The following MTAP variants were observed in gnomAD, a reference collection of about 807,000 sequenced individuals.
MTAP encodes the protein methylthioadenosine phosphorylase.
MTAP carries 33 observed loss-of-function variants against 33.6 expected under a neutral mutation model. The observed-to-expected ratio is 0.98, with a 90% CI of 0.74 to 1.31. The LOEUF is 1.31. Ranked by LOEUF, MTAP falls within the 40% of genes most tolerant of loss-of-function variation. The pLI is 0.00. For missense variants in MTAP, 367 were observed against 360.0 expected, an observed-to-expected ratio of 1.02 and a Z score of -0.16; for synonymous variants, 148 against 125.7, an observed-to-expected ratio of 1.18 and a Z score of -1.19.
At chr9:21,821,233 C>T (rs1485483736) in intron 4 of MTAP, among the ~76,000 whole-genome samples, 1 of 152,184 alleles carries the variant, frequency 6.6e-6, no homozygotes, top group African/African-American at 2.4e-5. Context: ...CCAGTTTTTG[C>T]CCATTCAGTA....
chr9:21,901,195 T>G lies in MTAP; in HGVS notation c.148-29813T>G, dbSNP rs374266112. Among the ~76,000 whole-genome samples the G allele has an allele frequency of 5.3e-5, 8 of 152,060 alleles. No homozygotes were observed. The East Asian group carries it at 5.8e-4, about 11-fold the overall frequency. On this transcript the variant is annotated intron_variant, in intron 1 of 1. Coordinates refer to the MTAP transcript ENST00000577563. ...GTAAAGAAAATACCAAAATACACAT[T>G]GACAAAAGAAAAAGAAGATACTAAA...
At chr9:21,932,592 T>A (rs2131050729), downstream of MTAP, 1 of 151,380 alleles carries the variant, frequency 6.6e-6, no homozygotes, top group East Asian at 1.9e-4. Context: ...TCAGCATGCA[T>A]AAGGACTATT....
intron 1 of MTAP, among the ~76,000 whole-genome samples, chr9:21,872,967 G>C (rs1377123365): frequency 6.6e-6 from 1 of 152,158 alleles, no homozygotes; most frequent in Admixed American, 6.6e-5. Flanking sequence ...GACACCAAAA[G>C]TCCACATTTT....
chr9:21,834,982 C>T (rs778423252), intron 4 of MTAP, among the ~76,000 whole-genome samples: 28 of 152,246 alleles, frequency 1.8e-4, no homozygotes, highest in African/African-American at 4.6e-4. Flanking sequence ...GTTGATACAA[C>T]GGAATACCAT....
chr9:21,820,986 A>G (rs1307078560), intron 4 of MTAP, among the ~76,000 whole-genome samples: 1 of 152,188 alleles, frequency 6.6e-6, no homozygotes, highest in East Asian at 1.9e-4. Context: ...GTGTCCTGAG[A>G]CTTTGCTGAA....
rs1215386160 is a variant in MTAP at position 21,859,426 on chromosome 9, G to T, written c.813+1G>T. ...GTCAGAAACCCTCCATAACCTGAAG[G>T]TAAGTGTCAGCCATGGACAATCAGG... is the stretch of plus-strand genomic sequence containing the variant. On this transcript the variant is annotated splice_donor_variant, in intron 7 of 7. Coordinates refer to ENST00000644715, the MANE Select transcript of MTAP (RefSeq NM_002451.4). LOFTEE classifies it high-confidence loss of function. 1 of 1,608,194 alleles carries T rather than the reference G, an allele frequency of 6.2e-7. No homozygotes were observed. The highest frequency in any genetic ancestry group is 2.2e-5 in the East Asian group (1 of 44,732).
intron 1 of MTAP, chr9:21,893,448 C>T (rs1224367115): frequency 1.3e-5 from 2 of 152,178 alleles, no homozygotes; most frequent in East Asian, 1.9e-4. Context: ...TGTTTTCAAA[C>T]ATCAATGAAA....
downstream of MTAP, chr9:21,936,151 G>C (rs1463052134): frequency 6.6e-6 from 1 of 152,196 alleles, no homozygotes; most frequent in African/African-American, 2.4e-5. Context: ...CTCAGGCAGA[G>C]CTGCCTTTTT....
intron 1 of MTAP, among the ~76,000 whole-genome samples, chr9:21,925,990 G>C (rs541048230): frequency 1.3e-5 from 2 of 152,154 alleles, no homozygotes; most frequent in Non-Finnish European, 2.9e-5. Context: ...CATTTTTAAT[G>C]ATAGCAGAAT....
At chr9:21,814,822 A>G (rs1824437562) in intron 1 of MTAP, among the ~76,000 whole-genome samples, 1 of 152,240 alleles carries the variant, frequency 6.6e-6, no homozygotes, top group Non-Finnish European at 1.5e-5. Flanking sequence ...TTGCATACAT[A>G]TATGAATGAT....
chr9:21,937,067 T>C (rs1018287444), exon 8 of MTAP: 10 of 152,016 alleles, frequency 6.6e-5, no homozygotes, highest in Non-Finnish European at 1.3e-4. Context: ...TAAAAATGAG[T>C]CTTGACCAAG....
At chr9:21,870,631 A>G (rs1825921620), downstream of MTAP, among the ~76,000 whole-genome samples, 1 of 151,942 alleles carries the variant, frequency 6.6e-6, no homozygotes, top group Non-Finnish European at 1.5e-5. Context: ...GAAATTATTT[A>G]TAATATATTT....
At chr9:21,860,710 A>G (rs936622796) in intron 7 of MTAP, 2 of 152,138 alleles carry the variant, frequency 1.3e-5, no homozygotes, top group African/African-American at 2.4e-5. Context: ...TACTTGTACT[A>G]TTGTTAGCAA....
chr9:21,817,091 G>C (rs1476352751), intron 3 of MTAP, among the ~76,000 whole-genome samples: 2 of 152,120 alleles, frequency 1.3e-5, no homozygotes, highest in African/African-American at 2.4e-5. Context: ...GAAAAACAAT[G>C]CATCATTAAT....
intron 5 of MTAP, among the ~76,000 whole-genome samples, chr9:21,852,509 C>CAAAAA (rs10628807): frequency 1.0e-4 from 12 of 114,610 alleles, no homozygotes; most frequent in African/African-American, 3.3e-4. Context: ...GACTCCATCT[C>CAAAAA]AAAAAAAAAA....
intron 5 of MTAP, among the ~76,000 whole-genome samples, chr9:21,839,594 G>C (rs1369110797): frequency 6.6e-6 from 1 of 152,186 alleles, no homozygotes; most frequent in Non-Finnish European, 1.5e-5. Context: ...TAAAGACTGA[G>C]AGAATACTGG....
At chr9:21,913,229 C>G (rs1024918594) in intron 1 of MTAP, among the ~76,000 whole-genome samples, 1 of 152,104 alleles carries the variant, frequency 6.6e-6, no homozygotes. Context: ...AATTCAATGC[C>G]ATCCCCATCA....
intron 4 of MTAP, among the ~76,000 whole-genome samples, chr9:21,829,975 A>C (rs1824926959): frequency 6.6e-6 from 1 of 152,200 alleles, no homozygotes; most frequent in Non-Finnish European, 1.5e-5. Flanking sequence ...TGAAGTTAAA[A>C]AGCCTGGGCA....
At chr9:21,874,972 C>G in intron 1 of MTAP, among the ~76,000 whole-genome samples, 1 of 152,034 alleles carries the variant, frequency 6.6e-6, no homozygotes, top group Non-Finnish European at 1.5e-5. Context: ...ATGATGGTTT[C>G]CAGCTTCATC....
Sources: allele counts gnomAD v4.1 joint callset (sites outside exome capture counted in the v4.1 genomes callset), GRCh38; gene constraint gnomAD v4.1.1; transcripts MANE v1.5; gene names NCBI Gene and HGNC (gene_info 2026-07-23, HGNC 2026-07-21).